The following GRIK3 variants were observed in gnomAD, a reference collection of about 807,000 sequenced individuals.
The protein encoded by GRIK3 is glutamate receptor ionotropic, kainate 3.
In GRIK3, 29 loss-of-function variants were observed where a neutral mutation model predicts 102.5. That is an observed-to-expected ratio of 0.28 (90% CI 0.21 to 0.39). GRIK3 has a LOEUF of 0.39. Ranked by LOEUF, GRIK3 falls within the 10% of genes least tolerant of loss-of-function variation. GRIK3 has a pLI of 1.00. For synonymous variants in GRIK3, 511 were observed against 504.9 expected, an observed-to-expected ratio of 1.01 and a Z score of -0.16; for missense variants, 908 against 1,252.4, an observed-to-expected ratio of 0.73 and a Z score of 4.15.
At chr1:36,909,553 G>A (rs149423849) in intron 1 of GRIK3, among the ~76,000 whole-genome samples, 33 of 152,166 alleles carry the variant, frequency 2.2e-4, no homozygotes, top group African/African-American at 7.0e-4. Context: ...TGCCTGCCTC[G>A]GCCTCCCAAA....
chr1:36,935,937 G>C (rs899234474), intron 1 of GRIK3, among the ~76,000 whole-genome samples: 3 of 152,150 alleles, frequency 2.0e-5, no homozygotes, highest in Non-Finnish European at 4.4e-5. Context: ...CTGAAATTTT[G>C]AAAAGAAGAT....
At position 37,020,851 on chromosome 1, in the gene GRIK3, C is replaced by A. The variant is rs188594231; in HGVS notation, c.115+13143G>T. Reference sequence around the variant, plus strand: ...ATGCAGATGGCGCCACCGGCTACCCCCGGCCCTGGCTGCTCTCCGTGGTGC... The same window carrying A: ...ATGCAGATGGCGCCACCGGCTACCCACGGCCCTGGCTGCTCTCCGTGGTGC... On this transcript the variant is annotated intron_variant, in intron 1 of 15. Coordinates refer to ENST00000373091, the MANE Select transcript of GRIK3 (RefSeq NM_000831.4). Among the ~76,000 whole-genome samples the A allele has an allele frequency of 2.6e-3, 395 of 152,302 alleles. 1 individual carries two copies. Among genetic ancestry groups the A allele is most frequent in the African/African-American group, 9.0e-3 (374 of 41,576 alleles).
At chr1:36,966,379 C>A (rs1040723473) in intron 1 of GRIK3, among the ~76,000 whole-genome samples, 4 of 152,310 alleles carry the variant, frequency 2.6e-5, no homozygotes, top group Admixed American at 2.6e-4. Context: ...GGGCCTTGGA[C>A]GTTCATCAGA....
chr1:36,976,093 T>A (rs1043711494), intron 1 of GRIK3, among the ~76,000 whole-genome samples: 1 of 152,094 alleles, frequency 6.6e-6, no homozygotes, highest in Non-Finnish European at 1.5e-5. Context: ...AGCACTGGGT[T>A]CTCCTGCTTG....
chr1:36,985,596 G>A (rs1351476435), intron 1 of GRIK3, among the ~76,000 whole-genome samples: 1 of 152,184 alleles, frequency 6.6e-6, no homozygotes, highest in Non-Finnish European at 1.5e-5. Context: ...AGGTGCCCTG[G>A]ATGGGTCTCA....
chr1:36,801,458 A>G lies in GRIK3; in HGVS notation c.*393T>C, dbSNP rs1052566186. The G allele has an allele frequency of 1.2e-5, 2 of 164,942 alleles. No individual in the cohort carries two copies. The highest frequency in any genetic ancestry group is 4.8e-5 in the African/African-American group (2 of 41,834). 10.2% of individuals were successfully genotyped at this position (164,942 alleles called of 1,614,324 possible). A position where few individuals can be genotyped will look rare whatever the true frequency, so the allele number is the denominator to read the frequency against. ...GTCTCTGGCCTCACGGTCAAGCTGT[A>G]GGAGGCCTGGGCTCTTGTGGAAGAA... On this transcript the variant is annotated 3_prime_UTR_variant, in exon 16 of 16. Transcript: ENST00000373091.
intron 13 of GRIK3, among the ~76,000 whole-genome samples, chr1:36,807,725 G>C (rs1642516229): frequency 6.6e-6 from 1 of 152,192 alleles, no homozygotes; most frequent in Non-Finnish European, 1.5e-5. Context: ...GGGACAGGAA[G>C]GGGCCCCAAA....
intron 2 of GRIK3, among the ~76,000 whole-genome samples, chr1:36,890,497 C>T (rs1045301666): frequency 6.6e-6 from 1 of 151,692 alleles, no homozygotes; most frequent in Non-Finnish European, 1.5e-5. Flanking sequence ...TAACTGCTCT[C>T]GATATCAGGG....
At chr1:37,010,294 T>A (rs1364414362) in intron 1 of GRIK3, among the ~76,000 whole-genome samples, 1 of 152,216 alleles carries the variant, frequency 6.6e-6, no homozygotes. Flanking sequence ...GTAAATATGT[T>A]AAGAGCCATA....
At chr1:36,917,542 G>A (rs1026500850) in intron 1 of GRIK3, among the ~76,000 whole-genome samples, 10 of 152,186 alleles carry the variant, frequency 6.6e-5, no homozygotes, top group African/African-American at 2.4e-4. Context: ...CATGGGGGCA[G>A]GTATTTCTTG....
chr1:36,924,786 A>T (rs184978759), intron 1 of GRIK3, among the ~76,000 whole-genome samples: 1 of 152,224 alleles, frequency 6.6e-6, no homozygotes, highest in East Asian at 1.9e-4. Context: ...TATTTAGCAA[A>T]CGCCTGGCTC....
chr1:36,842,070 G>T (rs888580670), intron 9 of GRIK3, 131 bp from the exon 10 acceptor site: 3 of 747,232 alleles, frequency 4.0e-6, no homozygotes, highest in African/African-American at 1.7e-5. Context: ...TAGACAAAGG[G>T]CCCGTGAAGT....
At chr1:36,839,495 A>T (rs1483117038) in intron 10 of GRIK3, among the ~76,000 whole-genome samples, 1 of 152,142 alleles carries the variant, frequency 6.6e-6, no homozygotes, top group African/African-American at 2.4e-5. Context: ...TCAGAGAGAT[A>T]AGGGGACTTC....
chr1:36,915,021 A>G (rs1641383555), intron 1 of GRIK3, among the ~76,000 whole-genome samples: 1 of 152,202 alleles, frequency 6.6e-6, no homozygotes, highest in South Asian at 2.1e-4. Flanking sequence ...TTGGATCTTC[A>G]TAAGTTCGTG....
chr1:37,025,954 G>A (rs1372590178), intron 1 of GRIK3, among the ~76,000 whole-genome samples: 1 of 152,140 alleles, frequency 6.6e-6, no homozygotes, highest in Non-Finnish European at 1.5e-5. Flanking sequence ...TCACCATGGG[G>A]ACTCTCTCCT....
rs573875387 is a variant in GRIK3, at chr1:36,920,640, C to T, written c.116-29544G>A. 1.6e-4 allele frequency among the ~76,000 whole-genome samples: 24 copies of T among 152,322 alleles called. 1 individual carries two copies. The highest frequency in any genetic ancestry group is 5.3e-4 in the African/African-American group (22 of 41,566). On this transcript the variant is annotated intron_variant, in intron 1 of 15. Transcript: ENST00000373091. Reference sequence around the variant, plus strand: ...GTTACTGTTGGCCACCTCCCCCATGCACCAGCTCCTGTGCTCCAGCCCTGT... The same window carrying T: ...GTTACTGTTGGCCACCTCCCCCATGTACCAGCTCCTGTGCTCCAGCCCTGT...
intron 10 of GRIK3, among the ~76,000 whole-genome samples, chr1:36,830,635 C>T (rs551609357): frequency 2.0e-5 from 3 of 151,918 alleles, no homozygotes; most frequent in Non-Finnish European, 4.4e-5. Context: ...CATGGTGAAA[C>T]CCCGTCTCTA....
chr1:36,870,803 C>A (rs564384326), intron 4 of GRIK3, among the ~76,000 whole-genome samples: 1 of 152,260 alleles, frequency 6.6e-6, no homozygotes, highest in Non-Finnish European at 1.5e-5. Flanking sequence ...CAAGAATTCT[C>A]CCTGTTTCCC....
intron 1 of GRIK3, among the ~76,000 whole-genome samples, chr1:36,917,170 C>A (rs1021121649): frequency 9.9e-5 from 15 of 152,208 alleles, no homozygotes; most frequent in African/African-American, 3.6e-4. Flanking sequence ...TTCAGACTTG[C>A]ATGGGGCCTG....
Sources: gnomAD v4.1 joint callset for allele counts (sites outside exome capture counted in the v4.1 genomes callset) on GRCh38, gnomAD v4.1.1 for gene constraint, MANE v1.5 for transcripts, NCBI Gene and HGNC (gene_info 2026-07-23, HGNC 2026-07-21) for gene names.